The following ADCY1 variants were observed in gnomAD, a reference collection of about 807,000 sequenced individuals.
ADCY1 encodes the protein adenylate cyclase 1.
Under a neutral mutation model 105.4 loss-of-function variants are expected in ADCY1, and 28 were observed. That is an observed-to-expected ratio of 0.27 (90% CI 0.20 to 0.36). The LOEUF is 0.36. ADCY1 is among the 10% of genes least tolerant of loss of function. ADCY1 has a pLI of 1.00. For missense variants in ADCY1, 977 were observed against 1,434.2 expected (o/e 0.68, Z 5.15); for synonymous variants, 655 against 623.8 (o/e 1.05, Z -0.75).
chr7:45,607,912 G>A (rs1002719668), intron 2 of ADCY1, among the ~76,000 whole-genome samples: 1 of 152,226 alleles, frequency 6.6e-6, no homozygotes, highest in African/African-American at 2.4e-5. Flanking sequence ...ACACATGTAT[G>A]TGTCTTTTTG....
intron 11 of ADCY1, chr7:45,684,560 T>C: frequency 6.5e-6 from 1 of 153,700 alleles, no homozygotes; most frequent in Non-Finnish European, 1.5e-5. Flanking sequence ...TTCTAATAAC[T>C]CTATAAAACC....
At chr7:45,688,438 G>A (rs1784729052) in intron 14 of ADCY1, among the ~76,000 whole-genome samples, 1 of 152,194 alleles carries the variant, frequency 6.6e-6, no homozygotes, top group African/African-American at 2.4e-5. Flanking sequence ...TTAGAGTAGG[G>A]TGAAGGGTAG....
intron 1 of ADCY1, among the ~76,000 whole-genome samples, chr7:45,589,431 C>T (rs1326816934): frequency 2.0e-5 from 3 of 152,204 alleles, no homozygotes; most frequent in South Asian, 2.1e-4. Flanking sequence ...CTGAGTAGCT[C>T]GTGGTGACCC....
rs184069368 is a variant in ADCY1 at position 45,625,604 on chromosome 7, A to G, written c.1020+2861A>G. On this transcript the variant is annotated intron_variant, in intron 4 of 19. Coordinates refer to ENST00000297323, the MANE Select transcript of ADCY1 (RefSeq NM_021116.4). ...TGTGTGTAGATGTGTTACATGTGTG[A>G]GTGCTTACATGAACACACGTGTGTA... 1.3e-3 allele frequency among the ~76,000 whole-genome samples: 201 copies of G among 151,404 alleles called. 1 individual carries two copies. Among genetic ancestry groups the G allele is most frequent in the African/African-American group, 4.7e-3 (195 of 41,206 alleles).
intron 8 of ADCY1, among the ~76,000 whole-genome samples, chr7:45,676,115 T>C (rs2471257): frequency 0.56 from 84,344 of 151,520 alleles, 27,167 homozygotes; most frequent in South Asian, 0.71. Flanking sequence ...CTCTGTCTTC[T>C]AGGTCAGGAA....
chr7:45,656,648 G>A (rs1029249204), intron 5 of ADCY1, among the ~76,000 whole-genome samples: 3 of 152,164 alleles, frequency 2.0e-5, no homozygotes, highest in African/African-American at 7.2e-5. Context: ...CAGGAAGCAG[G>A]CCACAGTGGG....
chr7:45,574,282 G>A (rs1792243903), upstream of ADCY1: 2 of 349,054 alleles, frequency 5.7e-6, no homozygotes, highest in African/African-American at 2.2e-5. The surrounding 1 kb of genome is among the most constrained non-coding windows in gnomAD (Gnocchi z 7.0). Flanking sequence ...GGCTCCCGGG[G>A]CTCGGCTGTC....
intron 11 of ADCY1, among the ~76,000 whole-genome samples, chr7:45,683,584 C>T (rs752674930): frequency 1.3e-5 from 2 of 152,106 alleles, no homozygotes; most frequent in Non-Finnish European, 2.9e-5. Context: ...GGACTATGGT[C>T]ATTGGGGCCA....
At chr7:45,608,817 T>G (rs1793450404) in intron 2 of ADCY1, among the ~76,000 whole-genome samples, 1 of 151,964 alleles carries the variant, frequency 6.6e-6, no homozygotes, top group African/African-American at 2.4e-5. Flanking sequence ...TTGGGGGCTA[T>G]AGTGAGGGCT....
intron 2 of ADCY1, among the ~76,000 whole-genome samples, chr7:45,593,229 G>A (rs887480893): frequency 1.8e-4 from 27 of 152,306 alleles, no homozygotes; most frequent in African/African-American, 4.8e-5. Flanking sequence ...GCTGGGCCTC[G>A]GATGAATGTG....
chr7:45,586,681 G>A (rs1041676618), intron 1 of ADCY1, among the ~76,000 whole-genome samples: 1 of 152,220 alleles, frequency 6.6e-6, no homozygotes, highest in Admixed American at 6.5e-5. Flanking sequence ...GCACTCAGCC[G>A]CTGGTGAGCA....
chr7:45,623,788 C>T (rs1793973527), intron 4 of ADCY1, among the ~76,000 whole-genome samples: 1 of 152,176 alleles, frequency 6.6e-6, no homozygotes, highest in Non-Finnish European at 1.5e-5. Flanking sequence ...CACAGGAAGT[C>T]TCCTCTTTCG....
intron 8 of ADCY1, among the ~76,000 whole-genome samples, chr7:45,674,947 G>A (rs1190295023): frequency 6.6e-6 from 1 of 152,066 alleles, no homozygotes; most frequent in Non-Finnish European, 1.5e-5. Flanking sequence ...TTTGAAGTAA[G>A]TTTCTTTAAA....
chr7:45,693,962 T>G (rs1784828875), intron 14 of ADCY1, among the ~76,000 whole-genome samples: 1 of 87,600 alleles, frequency 1.1e-5, no homozygotes, highest in Non-Finnish European at 2.2e-5. Flanking sequence ...CTGGGGACTG[T>G]GGTGGGGTCG....
intron 1 of ADCY1, among the ~76,000 whole-genome samples, chr7:45,583,924 G>A (rs1293023096): frequency 1.4e-5 from 2 of 141,516 alleles, no homozygotes; most frequent in Non-Finnish European, 3.0e-5. Context: ...ACAGGCATGA[G>A]CCACTGTGCC....
Position 45,574,982 on chromosome 7 carries a change from C to T in ADCY1, c.439C>T (p.Arg147Trp), listed in dbSNP as rs1248179913. ...CCPFALGGPA[R>W]GSAGAAGGPA... is the part of the protein sequence containing the mutation. ...TCCTTTCGCGCTGGGCGGCCCCGCC[C>T]GGGGTTCCGCCGGGGCCGCTGGGGG... is the stretch of plus-strand genomic sequence containing the variant. Residue 147 changes from arginine (R) to tryptophan (W), a missense_variant, in exon 1 of 20, where the codon CGG (arginine) becomes TGG (tryptophan). By Grantham distance (101) the Arg-to-Trp change is moderately radical. This residue lies in a region of ADCY1 where 209 missense variants were observed against 222.5 expected (regional missense o/e 0.94). Coordinates refer to ENST00000297323, the MANE Select transcript of ADCY1 (RefSeq NM_021116.4). This position sits in a 1 kb window ranked among gnomAD's most constrained non-coding sequence, Gnocchi z 7.0. The T allele has an allele frequency of 1.8e-5, 29 of 1,610,874 alleles. No individual in the cohort carries two copies. Among genetic ancestry groups the T allele is most frequent in the Non-Finnish European group, 2.4e-5 (28 of 1,179,034 alleles).
chr7:45,643,558 C>T (rs1048195293), intron 4 of ADCY1, among the ~76,000 whole-genome samples: 1 of 151,658 alleles, frequency 6.6e-6, no homozygotes, highest in African/African-American at 2.4e-5. Context: ...TCTCATCGCT[C>T]GAAATAATTC....
At chr7:45,594,445 T>A (rs1483833035) in intron 2 of ADCY1, among the ~76,000 whole-genome samples, 11 of 152,182 alleles carry the variant, frequency 7.2e-5, no homozygotes, top group Admixed American at 5.2e-4. Flanking sequence ...CTTAACTACA[T>A]CCTCTGTAGT....
At chr7:45,578,337 G>A (rs1280985090) in intron 1 of ADCY1, among the ~76,000 whole-genome samples, 1 of 152,188 alleles carries the variant, frequency 6.6e-6, no homozygotes, top group Non-Finnish European at 1.5e-5. Context: ...TAAGTGGCCA[G>A]AACTGAGTTC....
Sources: allele counts gnomAD v4.1 joint callset (sites outside exome capture counted in the v4.1 genomes callset), GRCh38; gene constraint gnomAD v4.1.1; regional missense constraint gnomAD v4.1.1; non-coding constraint Gnocchi (gnomAD v3.1); transcripts MANE v1.5; gene names NCBI Gene and HGNC (gene_info 2026-07-23, HGNC 2026-07-21).